Variants in SEC14L1 observed in about 807,000 individuals in gnomAD.
SEC14L1 encodes the protein SEC14 like lipid binding 1, also known as SEC14-like protein 1.
SEC14L1 carries 48 observed loss-of-function variants against 85.3 expected under a neutral mutation model. That is an observed-to-expected ratio of 0.56 (90% CI 0.45 to 0.72). SEC14L1 has a LOEUF of 0.72. SEC14L1 is among the 30% of genes least tolerant of loss of function. The probability of loss-of-function intolerance (pLI) is 0.00; values close to 1 mark genes in which losing one functional copy is unlikely to be tolerated. For missense variants in SEC14L1, 682 were observed against 921.4 expected (o/e 0.74, Z 3.36); for synonymous variants, 391 against 355.5 (o/e 1.10, Z -1.12).
At chr17:77,193,086 C>T (rs1195839878) in intron 5 of SEC14L1, among the ~76,000 whole-genome samples, 2 of 152,212 alleles carry the variant, frequency 1.3e-5, no homozygotes, top group African/African-American at 4.8e-5. Context: ...CTGTTGAAAG[C>T]TTCCAAGGCC....
intron 3 of SEC14L1, among the ~76,000 whole-genome samples, chr17:77,186,979 T>G (rs1975294052): frequency 1.3e-5 from 2 of 152,186 alleles, no homozygotes; most frequent in African/African-American, 2.4e-5. Flanking sequence ...CCTCGCCTCA[T>G]TTTTAGTACA....
At chr17:77,110,804 A>C (rs534906335) in intron 3 of SEC14L1, among the ~76,000 whole-genome samples, 32 of 150,034 alleles carry the variant, frequency 2.1e-4, no homozygotes, top group Non-Finnish European at 3.7e-4. Context: ...GAATGGTGTG[A>C]ACCCGGGAGT....
chr17:77,166,382 G>A (rs1415245095), intron 3 of SEC14L1, among the ~76,000 whole-genome samples: 1 of 152,222 alleles, frequency 6.6e-6, no homozygotes, highest in Middle Eastern at 3.2e-3. Flanking sequence ...TTTTAATGGT[G>A]GAACTGGGAT....
Position 77,215,191 on chromosome 17 carries a change from A to G in SEC14L1, c.*1168A>G. On this transcript the variant is annotated 3_prime_UTR_variant, in exon 17 of 17. Coordinates refer to ENST00000436233, the MANE Select transcript of SEC14L1 (RefSeq NM_001143998.2). ...TCACAGAAGCAAATCAGAATATGGG[A>G]TTTGTTTGCCTTTTACATTTTGTTT... is the stretch of plus-strand genomic sequence containing the variant. The G allele has an allele frequency of 1.0e-6, 1 of 985,092 alleles. No individual in the cohort carries two copies. The highest frequency in any genetic ancestry group is 1.2e-6 in the Non-Finnish European group (1 of 829,896). The allele number at this position is 985,092 out of a possible 1,614,324, so 61.0% of individuals were successfully genotyped here. A position where few individuals can be genotyped will look rare whatever the true frequency, so the allele number is the denominator to read the frequency against.
chr17:77,156,596 C>T (rs559146016), intron 3 of SEC14L1, among the ~76,000 whole-genome samples: 1 of 150,806 alleles, frequency 6.6e-6, no homozygotes, highest in Non-Finnish European at 1.5e-5. Flanking sequence ...AAAAAGATGT[C>T]TATGAAGAGT....
At chr17:77,113,757 A>G (rs1293861796) in intron 3 of SEC14L1, among the ~76,000 whole-genome samples, 1 of 152,070 alleles carries the variant, frequency 6.6e-6, no homozygotes, top group African/African-American at 2.4e-5. Context: ...AAAAGAAAAG[A>G]AAAGAAAAAG....
chr17:77,193,555 T>A lies in SEC14L1; in HGVS notation c.474+6T>A. 1 of 1,603,590 alleles carries A rather than the reference T, an allele frequency of 6.2e-7. No homozygotes were observed. Among genetic ancestry groups the A allele is most frequent in the Non-Finnish European group, 8.5e-7 (1 of 1,172,328 alleles). On this transcript the variant is annotated splice_donor_region_variant and intron_variant, in intron 6 of 16. Coordinates refer to ENST00000436233, the MANE Select transcript of SEC14L1 (RefSeq NM_001143998.2). Reference sequence around the variant, plus strand: ...ATACCAGCAACATTAAAAAAGTGAGTGTATCTTGGGATTTTGTGGCAGAGG... The same window carrying A: ...ATACCAGCAACATTAAAAAAGTGAGAGTATCTTGGGATTTTGTGGCAGAGG...
Position 77,206,070 on chromosome 17 carries a change from T to C in SEC14L1, c.1170-159T>C, listed in dbSNP as rs534065070. Among the ~76,000 whole-genome samples, 4 of 152,290 alleles carry C rather than the reference T, an allele frequency of 2.6e-5. No individual in the cohort carries two copies. Among genetic ancestry groups the C allele is most frequent in the East Asian group, 1.9e-4 (1 of 5,194 alleles). ...CCTGTGTGTTTTGTACAAGTAGATATAAACAGGGTTCATAGCACTATACAT... is the reference window on the plus strand; with the variant it reads ...CCTGTGTGTTTTGTACAAGTAGATACAAACAGGGTTCATAGCACTATACAT... On this transcript the variant is annotated intron_variant, in intron 11 of 16. Coordinates refer to ENST00000436233, the MANE Select transcript of SEC14L1 (RefSeq NM_001143998.2). This position sits in a 1 kb window ranked among gnomAD's most constrained non-coding sequence, Gnocchi z 4.3.
intron 3 of SEC14L1, among the ~76,000 whole-genome samples, chr17:77,113,016 A>G (rs1052464626): frequency 5.9e-5 from 9 of 152,046 alleles, no homozygotes; most frequent in Admixed American, 5.9e-4. Flanking sequence ...AAAATTAATC[A>G]GGCATAGTGA....
chr17:77,136,036 C>T (rs1972787065), upstream of SEC14L1, among the ~76,000 whole-genome samples: 1 of 146,130 alleles, frequency 6.8e-6, no homozygotes, highest in Non-Finnish European at 1.5e-5. Flanking sequence ...CCACGCCCGG[C>T]TAATTTTTTT....
At chr17:77,107,852 G>T (rs1287612411) in intron 3 of SEC14L1, among the ~76,000 whole-genome samples, 1 of 152,188 alleles carries the variant, frequency 6.6e-6, no homozygotes, top group African/African-American at 2.4e-5. Flanking sequence ...TGAGAAAGGA[G>T]CCATGCTGGC....
chr17:77,139,755 C>T (rs996389131), upstream of SEC14L1, among the ~76,000 whole-genome samples: 1 of 152,060 alleles, frequency 6.6e-6, no homozygotes, highest in Non-Finnish European at 1.5e-5. Context: ...ACCTCGGCCT[C>T]CCAAAGTGCT....
chr17:77,098,820 T>C (rs1194238126), intron 3 of SEC14L1, among the ~76,000 whole-genome samples: 2 of 152,222 alleles, frequency 1.3e-5, no homozygotes, highest in East Asian at 3.8e-4. Flanking sequence ...ACTTCTACAC[T>C]AGCTCCTTGA....
At chr17:77,179,265 G>A (rs1486033897) in intron 3 of SEC14L1, among the ~76,000 whole-genome samples, 4 of 152,182 alleles carry the variant, frequency 2.6e-5, no homozygotes, top group African/African-American at 9.7e-5. Flanking sequence ...AAACTGTGAA[G>A]GCAGGCATTG....
chr17:77,090,340 G>T (rs896443418), intron 2 of SEC14L1, among the ~76,000 whole-genome samples: 2 of 151,786 alleles, frequency 1.3e-5, no homozygotes, highest in African/African-American at 4.8e-5. Flanking sequence ...TGCTCTGAAG[G>T]AAGGGAACGT....
At chr17:77,137,492 A>G (rs1005782813), upstream of SEC14L1, among the ~76,000 whole-genome samples, 2 of 152,202 alleles carry the variant, frequency 1.3e-5, no homozygotes, top group Admixed American at 6.5e-5. Context: ...GGCCCAAGCC[A>G]TTCATGAGGG....
At chr17:77,148,944 C>G (rs1466478198) in intron 3 of SEC14L1, among the ~76,000 whole-genome samples, 1 of 152,236 alleles carries the variant, frequency 6.6e-6, no homozygotes, top group Non-Finnish European at 1.5e-5. Flanking sequence ...TGAACTTGAA[C>G]ATTTGTTTCT....
At chr17:77,099,555 G>C (rs1238883277) in intron 3 of SEC14L1, among the ~76,000 whole-genome samples, 3 of 152,146 alleles carry the variant, frequency 2.0e-5, no homozygotes, top group Non-Finnish European at 4.4e-5. Flanking sequence ...TCAGGAGTTC[G>C]AGGCAAGCCT....
chr17:77,197,707 T>A (rs372244268), intron 8 of SEC14L1, among the ~76,000 whole-genome samples: 1 of 152,206 alleles, frequency 6.6e-6, no homozygotes, highest in East Asian at 1.9e-4. Flanking sequence ...TCTCCCAGGT[T>A]CAGGCTATTC....
Sources: allele counts gnomAD v4.1 joint callset (sites outside exome capture counted in the v4.1 genomes callset), GRCh38; gene constraint gnomAD v4.1.1; non-coding constraint Gnocchi (gnomAD v3.1); transcripts MANE v1.5; gene names NCBI Gene and HGNC (gene_info 2026-07-23, HGNC 2026-07-21).